Variants in ASAH2 observed in about 807,000 individuals in gnomAD.
The protein encoded by ASAH2 is N-acylsphingosine amidohydrolase 2, also known as neutral ceramidase.
A neutral mutation model predicts 82.9 loss-of-function variants in ASAH2; 58 were observed. The ratio of observed to expected loss-of-function variants is 0.70; its 90% CI spans 0.57 to 0.87. ASAH2 has a LOEUF of 0.87. Among genes scored for constraint, ASAH2 ranks in the 40% least tolerant of loss-of-function variants. The pLI is 0.00. For missense variants in ASAH2, 779 were observed against 834.0 expected (o/e 0.93, Z 0.81); for synonymous variants, 276 against 289.7 (o/e 0.95, Z 0.48).
chr10:50,193,512 C>T (rs1261977234), intron 18 of ASAH2, among the ~76,000 whole-genome samples: 1 of 150,998 alleles, frequency 6.6e-6, no homozygotes, highest in African/African-American at 2.4e-5. Flanking sequence ...AAAGAATGGG[C>T]TAACAGAATT....
intron 8 of ASAH2, among the ~76,000 whole-genome samples, chr10:50,218,053 G>A (rs1204297556): frequency 6.6e-6 from 1 of 152,190 alleles, no homozygotes; most frequent in East Asian, 1.9e-4. Context: ...GAACCTGGGA[G>A]GCAGAGGTTT....
At chr10:50,244,883 C>T (rs1424233914) in intron 3 of ASAH2, among the ~76,000 whole-genome samples, 4 of 151,800 alleles carry the variant, frequency 2.6e-5, no homozygotes, top group East Asian at 3.9e-4. Context: ...CTACCTCCCA[C>T]CCCCAAACTG....
chr10:50,206,243 T>C (rs1298196151), intron 12 of ASAH2, 146 bp from the exon 13 acceptor site: 1 of 697,596 alleles, frequency 1.4e-6, no homozygotes, highest in Non-Finnish European at 2.6e-6. Flanking sequence ...ACAGTTTGAG[T>C]AATAGAATAG....
intron 3 of ASAH2, 141 bp from the exon 4 acceptor site, chr10:50,243,492 A>G (rs762291300): frequency 2.1e-4 from 183 of 862,086 alleles, no homozygotes; most frequent in Non-Finnish European, 2.8e-4. Flanking sequence ...GAGAGGATAT[A>G]TGTTTCAAAA....
chr10:50,235,500 C>G (rs987566745), intron 5 of ASAH2, among the ~76,000 whole-genome samples: 1 of 151,978 alleles, frequency 6.6e-6, no homozygotes, highest in African/African-American at 2.4e-5. Context: ...TCTCTTTGTA[C>G]TTTGGGAAAT....
At chr10:50,211,994 G>A (rs967296936) in intron 10 of ASAH2, among the ~76,000 whole-genome samples, 5 of 152,170 alleles carry the variant, frequency 3.3e-5, no homozygotes, top group Non-Finnish European at 4.4e-5. Context: ...TGTGTCATGG[G>A]TGCACACCCT....
At position 50,214,646 on chromosome 10, in the gene ASAH2, C is replaced by G. The variant is rs1213051631; in HGVS notation, c.1140+97G>C. The G allele has an allele frequency of 2.0e-6, 3 of 1,489,424 alleles. No individual in the cohort carries two copies. The African/African-American group carries it at 4.2e-5, about 21-fold the overall frequency. The allele number at this position is 1,489,424 out of a possible 1,614,324, so 92.3% of individuals were successfully genotyped here. A position where few individuals can be genotyped will look rare whatever the true frequency, so the allele number is the denominator to read the frequency against. ...CTAGGGAGAACTAGGCCAGTGTATA[C>G]TAGAAGACAAGGTATTTGTAAATTA... On this transcript the variant is annotated intron_variant, in intron 9 of 20. Transcript: ENST00000682911.
intron 16 of ASAH2, among the ~76,000 whole-genome samples, chr10:50,200,050 T>C: frequency 1.3e-5 from 2 of 151,438 alleles, no homozygotes; most frequent in African/African-American, 2.4e-5. Flanking sequence ...ACCTGATAAG[T>C]AGTTTTTTGA....
Position 50,245,199 on chromosome 10 carries a change from T to G in ASAH2, c.360+23A>C, listed in dbSNP as rs1312811088. On this transcript the variant is annotated intron_variant, in intron 3 of 20. Coordinates refer to ENST00000682911, the MANE Select transcript of ASAH2 (RefSeq NM_019893.4). ...AAAATTACTTGTTTCACAGTCTCCTTAAGGAGCCCATTGTCTACTTGCCAA... is the reference window on the plus strand; with the variant it reads ...AAAATTACTTGTTTCACAGTCTCCTGAAGGAGCCCATTGTCTACTTGCCAA... The G allele has an allele frequency of 2.6e-6, 4 of 1,558,806 alleles. No homozygotes were observed. The Admixed American group carries it at 5.0e-5, about 20-fold the overall frequency.
At chr10:50,235,480 T>C (rs1846134723) in intron 5 of ASAH2, among the ~76,000 whole-genome samples, 1 of 152,124 alleles carries the variant, frequency 6.6e-6, no homozygotes, top group Non-Finnish European at 1.5e-5. Context: ...TGTGTGTTTA[T>C]AAGTTGGATT....
At chr10:50,228,631 C>T (rs951083254) in intron 7 of ASAH2, among the ~76,000 whole-genome samples, 20 of 152,132 alleles carry the variant, frequency 1.3e-4, no homozygotes, top group African/African-American at 4.8e-4. Context: ...ATTCAAATAG[C>T]TTACACAAAT....
intron 5 of ASAH2, 148 bp from the exon 6 acceptor site, chr10:50,234,700 C>T (rs1487179251): frequency 1.8e-5 from 20 of 1,127,386 alleles, no homozygotes; most frequent in East Asian, 1.2e-4. Flanking sequence ...AGAACCACAT[C>T]GCTGTTGACA....
chr10:50,207,052 A>C (rs1169066903), intron 12 of ASAH2, among the ~76,000 whole-genome samples: 1 of 152,012 alleles, frequency 6.6e-6, no homozygotes, highest in Non-Finnish European at 1.5e-5. Flanking sequence ...AATATGCAGA[A>C]ATTAAGCAGT....
At chr10:50,197,677 T>C (rs1374214078) in intron 17 of ASAH2, among the ~76,000 whole-genome samples, 1 of 151,972 alleles carries the variant, frequency 6.6e-6, no homozygotes, top group African/African-American at 2.4e-5. Context: ...TATTCAGTGG[T>C]TTTTTTCAAG....
chr10:50,230,887 A>T (rs1471865582), intron 7 of ASAH2, among the ~76,000 whole-genome samples: 4 of 151,976 alleles, frequency 2.6e-5, no homozygotes, highest in African/African-American at 7.2e-5. Context: ...AAAAAATTTT[A>T]AAAAATAGCC....
At chr10:50,217,463 A>G (rs964493876) in intron 8 of ASAH2, among the ~76,000 whole-genome samples, 114,688 of 151,928 alleles carry the variant, frequency 0.75, 45,547 homozygotes, top group Non-Finnish European at 0.88. Flanking sequence ...TCCTGACCTC[A>G]TGATTCACCC....
At chr10:50,208,965 T>C (rs1278954810) in intron 12 of ASAH2, among the ~76,000 whole-genome samples, 2 of 152,212 alleles carry the variant, frequency 1.3e-5, no homozygotes, top group Non-Finnish European at 2.9e-5. Flanking sequence ...ATCAATGGAA[T>C]AGAATTGATC....
chr10:50,215,644 G>C (rs1845572444), intron 8 of ASAH2, among the ~76,000 whole-genome samples: 1 of 152,084 alleles, frequency 6.6e-6, no homozygotes, highest in Non-Finnish European at 1.5e-5. Context: ...CCTCTGTTCT[G>C]TTCCAATGGT....
rs1280664990 is a variant in ASAH2, at chr10:50,200,691, A to C, written c.1762-1545T>G. Among the ~76,000 whole-genome samples the C allele has an allele frequency of 1.3e-4, 20 of 152,176 alleles. No homozygotes were observed. In the East Asian group the frequency reaches 3.5e-3, roughly 27 times the overall value. On this transcript the variant is annotated intron_variant, in intron 16 of 20. Transcript: ENST00000682911. ...CCAGTGATCTTGAGGGAAGGGACAG[A>C]TTCTTTTCATCATTATGCCCCAGAA...
Sources: allele counts gnomAD v4.1 joint callset (sites outside exome capture counted in the v4.1 genomes callset), GRCh38; gene constraint gnomAD v4.1.1; transcripts MANE v1.5; gene names NCBI Gene and HGNC (gene_info 2026-07-23, HGNC 2026-07-21).